The following TAX1BP1 variants were observed in gnomAD, a reference collection of about 807,000 sequenced individuals.
TAX1BP1 encodes the protein tax1-binding protein 1.
In TAX1BP1, 62 loss-of-function variants were observed where a neutral mutation model predicts 97.7. The observed-to-expected ratio is 0.63, with a 90% CI of 0.52 to 0.78. The LOEUF (loss-of-function observed/expected upper bound fraction) is 0.78, where lower values mean the gene tolerates loss of function less well. TAX1BP1 is among the 30% of genes least tolerant of loss of function. TAX1BP1 has a pLI of 0.00. For synonymous variants in TAX1BP1, 340 were observed against 304.2 expected (o/e 1.12, Z -1.23); for missense variants, 867 against 916.1 (o/e 0.95, Z 0.69).
intron 15 of TAX1BP1, 36 bp from the exon 16 acceptor site, chr7:27,827,702 C>T: frequency 1.3e-6 from 2 of 1,568,548 alleles, no homozygotes; most frequent in Non-Finnish European, 1.8e-6. Flanking sequence ...TTTGGTTTTA[C>T]TTTTCTTAAA....
chr7:27,791,968 G>A (rs1166628948), intron 8 of TAX1BP1, 38 bp from the exon 9 acceptor site: 2 of 1,588,060 alleles, frequency 1.3e-6, no homozygotes. Flanking sequence ...TTTTACTTGA[G>A]TGGTTGAATT....
chr7:27,787,287 C>T (rs1789525812), intron 7 of TAX1BP1, 131 bp from the exon 8 acceptor site: 1 of 782,206 alleles, frequency 1.3e-6, no homozygotes, highest in Non-Finnish European at 1.9e-6. Flanking sequence ...CCTGGGTCTC[C>T]TAAATCCTAG....
intron 13 of TAX1BP1, among the ~76,000 whole-genome samples, chr7:27,811,945 T>A (rs1790575144): frequency 6.6e-6 from 1 of 152,264 alleles, no homozygotes; most frequent in Admixed American, 6.5e-5. Context: ...TTACAAATAA[T>A]GCTGCTATGA....
rs1385767816 is a variant in TAX1BP1, at chr7:27,827,788, T to G, written c.2136T>G (p.Arg712=). Residue 712 remains arginine, a synonymous_variant, in exon 16 of 17, where the codon CGT becomes CGG. Transcript: ENST00000396319. ...CTGATCCTCCAAGTCAACATTTACG[T>G]GGGCATGGGACAGGCTTTTGCTTTG... ...TAPDPPSQHL[R]GHGTGFCFDS... The G allele has an allele frequency of 6.2e-7, 1 of 1,614,010 alleles. No individual in the cohort carries two copies. Among genetic ancestry groups the G allele is most frequent in the East Asian group, 2.2e-5 (1 of 44,884 alleles).
intron 5 of TAX1BP1, among the ~76,000 whole-genome samples, chr7:27,771,391 C>CGAAA (rs1348696440): frequency 2.6e-5 from 4 of 151,138 alleles, no homozygotes; most frequent in Non-Finnish European, 4.4e-5. Context: ...GGTTTTGACT[C>CGAAA]TGATTACTTT....
chr7:27,804,526 T>C (rs1036717172), intron 13 of TAX1BP1, among the ~76,000 whole-genome samples: 5 of 152,218 alleles, frequency 3.3e-5, no homozygotes, highest in Admixed American at 3.3e-4. Flanking sequence ...AGGTTAAGGC[T>C]CAGTCCCACA....
intron 5 of TAX1BP1, chr7:27,771,966 G>A (rs932287687): frequency 2.0e-5 from 3 of 151,986 alleles, no homozygotes; most frequent in Admixed American, 2.0e-4. Context: ...AATATAAAGT[G>A]TCATCCAACA....
rs749736534 is a variant in TAX1BP1 at position 27,816,353 on chromosome 7, T to G, written c.1769T>G (p.Leu590Arg). 2 of 1,570,660 alleles carry G rather than the reference T, an allele frequency of 1.3e-6. No individual in the cohort carries two copies. The highest frequency in any genetic ancestry group is 2.5e-5 in the South Asian group (2 of 81,288). Residue 590 changes from leucine to arginine, a missense_variant, in exon 14 of 17, where the codon CTT becomes CGT. By Grantham distance (102) the Leu-to-Arg change is moderately radical. Transcript: ENST00000396319. ...CTTTGTTTTTGTTAATTTTAGGAAC[T>G]TAAAAGGAGTCTAGAAAATCCAGCA... ...LAEVQDNYKE[L>R]KRSLENPAER...
intron 3 of TAX1BP1, among the ~76,000 whole-genome samples, chr7:27,765,278 C>G (rs1270222153): frequency 6.6e-6 from 1 of 151,780 alleles, no homozygotes; most frequent in Non-Finnish European, 1.5e-5. Flanking sequence ...CCTTGGCCTT[C>G]CAAAGTGCTG....
intron 2 of TAX1BP1, among the ~76,000 whole-genome samples, chr7:27,751,609 T>A (rs1400321135): frequency 6.6e-6 from 1 of 152,148 alleles, no homozygotes; most frequent in Non-Finnish European, 1.5e-5. Flanking sequence ...AGAATCACCA[T>A]GTTTATGGCA....
chr7:27,827,334 C>A (rs1028875653), intron 15 of TAX1BP1, among the ~76,000 whole-genome samples: 1 of 150,828 alleles, frequency 6.6e-6, no homozygotes, highest in Non-Finnish European at 1.5e-5. Flanking sequence ...GCCTGGGTGA[C>A]AGAGTGATGA....
chr7:27,788,528 A>C (rs1789577941), intron 8 of TAX1BP1, among the ~76,000 whole-genome samples: 1 of 152,060 alleles, frequency 6.6e-6, no homozygotes, highest in African/African-American at 2.4e-5. Context: ...TATGCCTTCT[A>C]CATTTATTTG....
chr7:27,793,342 C>A, intron 10 of TAX1BP1, 130 bp downstream of exon 10: 1 of 845,220 alleles, frequency 1.2e-6, no homozygotes. Context: ...AGTCATTGGC[C>A]AAATATTGTA....
At chr7:27,826,966 A>G (rs1276982255) in intron 15 of TAX1BP1, among the ~76,000 whole-genome samples, 4 of 152,210 alleles carry the variant, frequency 2.6e-5, no homozygotes, top group Admixed American at 6.5e-5. Context: ...ATATCATGCA[A>G]TGGATGTATC....
chr7:27,808,387 C>T (rs1376474457), intron 13 of TAX1BP1, among the ~76,000 whole-genome samples: 2 of 152,134 alleles, frequency 1.3e-5, no homozygotes, highest in African/African-American at 2.4e-5. Flanking sequence ...GATATATTTA[C>T]TCAAGTGTTG....
chr7:27,793,095 AAGAAG>A lies in TAX1BP1; in HGVS notation c.1299_1303del (p.Arg433SerfsTer2). On this transcript the variant is annotated frameshift_variant, in exon 10 of 17. Coordinates refer to ENST00000396319, the MANE Select transcript of TAX1BP1 (RefSeq NM_006024.7). LOFTEE classifies it high-confidence loss of function. ...AGACTGATACACTGGAACACGAACTAAGAAGAGAAGTTGAAGATCTGAAACTCCGT... is the reference window on the plus strand; with the variant it reads ...AGACTGATACACTGGAACACGAACTAAGAAGTTGAAGATCTGAAACTCCGT... 6.2e-7 allele frequency: 1 copy of A among 1,601,326 alleles called. No individual in the cohort carries two copies.
In TAX1BP1 at chr7:27,817,045, T is replaced by G. The variant is rs1790797250; in HGVS notation, c.2085+7T>G. On this transcript the variant is annotated splice_region_variant and intron_variant, in intron 15 of 16. Transcript: ENST00000396319. ...GGACTCTGAGGATAGCAAAGTAAAT[T>G]GAATTTTCATTGTGTGAGCCTGTCC... 1.2e-6 allele frequency: 2 copies of G among 1,602,322 alleles called. No homozygotes were observed. The highest frequency in any genetic ancestry group is 4.5e-5 in the East Asian group (2 of 44,842).
intron 9 of TAX1BP1, 93 bp from the exon 10 acceptor site, chr7:27,792,973 A>G (rs1789777337): frequency 1.6e-6 from 2 of 1,245,732 alleles, no homozygotes; most frequent in African/African-American, 3.2e-5. Flanking sequence ...AAAACAAAAA[A>G]AAGAAAAAAA....
At chr7:27,769,397 T>C (rs1486205281) in intron 4 of TAX1BP1, among the ~76,000 whole-genome samples, 1 of 151,938 alleles carries the variant, frequency 6.6e-6, no homozygotes, top group Non-Finnish European at 1.5e-5. Flanking sequence ...TATTTTTAGT[T>C]CTGATCTCAA....
Sources: allele counts gnomAD v4.1 joint callset (sites outside exome capture counted in the v4.1 genomes callset), GRCh38; gene constraint gnomAD v4.1.1; transcripts MANE v1.5; gene names NCBI Gene and HGNC (gene_info 2026-07-23, HGNC 2026-07-21).